PGAP4: variants seen among roughly 807,000 people sequenced by gnomAD.
PGAP4 encodes the protein GPI-N-acetylgalactosamine transferase PGAP4.
PGAP4 carries 12 observed loss-of-function variants against 28.2 expected under a neutral mutation model. That is an observed-to-expected ratio of 0.42 (90% CI 0.27 to 0.69). The LOEUF (loss-of-function observed/expected upper bound fraction) is 0.69, where lower values mean the gene tolerates loss of function less well. Ranked by LOEUF, PGAP4 falls within the 30% of genes least tolerant of loss-of-function variation. The pLI is 0.22. For synonymous variants in PGAP4, 205 were observed against 211.8 expected (o/e 0.97, Z 0.28); for missense variants, 425 against 513.5 (o/e 0.83, Z 1.67).
rs576433566 is a variant in PGAP4, at chr9:101,509,698, G to A, written c.-164-20498C>T. Reference sequence around the variant, plus strand: ...CTGCAAAATGATAAGTTCAGGTGATGTTTCTCAGCTTGCAAGCATTTCTCT... The same window carrying A: ...CTGCAAAATGATAAGTTCAGGTGATATTTCTCAGCTTGCAAGCATTTCTCT... On this transcript the variant is annotated intron_variant, in intron 2 of 3. Coordinates refer to the PGAP4 transcript ENST00000374851. Among the ~76,000 whole-genome samples the A allele has an allele frequency of 5.9e-5, 9 of 152,254 alleles. No homozygotes were observed. The East Asian group carries it at 1.4e-3, about 23-fold the overall frequency.
At position 101,477,223 on chromosome 9, in the gene PGAP4, C is replaced by CAAACAAAT. The variant is rs1028568405; in HGVS notation, c.-77-55_-77-54insATTTGTTT. On this transcript the variant is annotated intron_variant, in intron 1 of 1. Transcript: ENST00000374848. ...AGAGTAACTTAAAAAAACAAACAAA[C>CAAACAAAT]AAACAAACAAAAAAACAAAAGGACA... The CAAACAAAT allele has an allele frequency of 1.1e-5, 15 of 1,332,768 alleles. No individual in the cohort carries two copies. The Admixed American group carries it at 4.9e-4, about 44-fold the overall frequency. The allele number at this position is 1,332,768 out of a possible 1,614,324, so 82.6% of individuals were successfully genotyped here. A position where few individuals can be genotyped will look rare whatever the true frequency, so the allele number is the denominator to read the frequency against.
At chr9:101,496,372 C>T (rs1826748065) in intron 2 of PGAP4, among the ~76,000 whole-genome samples, 1 of 151,356 alleles carries the variant, frequency 6.6e-6, no homozygotes, top group East Asian at 1.9e-4. Context: ...AAAAGTTGAA[C>T]TTTTGAGATG....
At chr9:101,520,060 G>T (rs1402065120) in intron 2 of PGAP4, among the ~76,000 whole-genome samples, 4 of 152,118 alleles carry the variant, frequency 2.6e-5, no homozygotes, top group African/African-American at 9.7e-5. Context: ...TCTTTATTCT[G>T]TTCCACTGGT....
intron 2 of PGAP4, chr9:101,501,760 A>C: frequency 1.9e-6 from 1 of 518,886 alleles, no homozygotes; most frequent in Non-Finnish European, 3.8e-6. Flanking sequence ...TTCTGTCCCA[A>C]CTAACATCTG....
chr9:101,520,271 G>C (rs1361869495), intron 2 of PGAP4, among the ~76,000 whole-genome samples: 1 of 152,074 alleles, frequency 6.6e-6, no homozygotes, highest in Non-Finnish European at 1.5e-5. Context: ...ATTTTGATAA[G>C]GATTGCATTG....
chr9:101,504,638 T>C (rs186150084), intron 2 of PGAP4, among the ~76,000 whole-genome samples: 2 of 152,166 alleles, frequency 1.3e-5, no homozygotes, highest in East Asian at 1.9e-4. Flanking sequence ...TGTGCTGTCA[T>C]AGGGCATATG....
At chr9:101,525,744 A>G (rs1165914465) in intron 2 of PGAP4, among the ~76,000 whole-genome samples, 3 of 151,576 alleles carry the variant, frequency 2.0e-5, no homozygotes, top group Admixed American at 6.6e-5. Flanking sequence ...GAGAAAATAA[A>G]TGTTATGCAT....
upstream of PGAP4, among the ~76,000 whole-genome samples, chr9:101,487,858 A>G (rs1414006667): frequency 6.6e-6 from 1 of 152,232 alleles, no homozygotes; most frequent in Non-Finnish European, 1.5e-5. Context: ...TTACTGCAAC[A>G]TAGTCATCAT....
At chr9:101,521,679 T>G (rs1251459317) in intron 2 of PGAP4, among the ~76,000 whole-genome samples, 1 of 152,178 alleles carries the variant, frequency 6.6e-6, no homozygotes, top group Non-Finnish European at 1.5e-5. Flanking sequence ...TCATTTATCT[T>G]TTGTATTTTT....
chr9:101,499,471 T>C (rs930304165), intron 2 of PGAP4, among the ~76,000 whole-genome samples: 2 of 151,924 alleles, frequency 1.3e-5, no homozygotes, highest in African/African-American at 4.8e-5. Context: ...CATAGTAAAC[T>C]ATGTTTGTAC....
At position 101,486,323 on chromosome 9, in the gene PGAP4, G is replaced by A. The variant is rs117768450; in HGVS notation, c.-78+626C>T. ...GTAGGCCGAGCTGACCGTCTCCATC[G>A]CTGCGCTCCTTCCCTTCTGCTGGTT... is the stretch of plus-strand genomic sequence containing the variant. On this transcript the variant is annotated intron_variant, in intron 1 of 1. Coordinates refer to ENST00000374848, the MANE Select transcript of PGAP4 (RefSeq NM_032342.3). The surrounding 1 kb of genome is among the most constrained non-coding windows in gnomAD (Gnocchi z 4.7). Among the ~76,000 whole-genome samples, 160 of 152,276 alleles carry A rather than the reference G, an allele frequency of 1.1e-3. 1 individual carries two copies. The Middle Eastern group carries it at 0.02, about 19-fold the overall frequency.
intron 2 of PGAP4, among the ~76,000 whole-genome samples, chr9:101,515,336 C>T (rs1454850927): frequency 6.6e-6 from 1 of 152,070 alleles, no homozygotes; most frequent in Non-Finnish European, 1.5e-5. Flanking sequence ...CTTATGAAGA[C>T]CCTTGTGATT....
At chr9:101,492,403 AG>A (rs1697128439) in intron 2 of PGAP4, among the ~76,000 whole-genome samples, 1 of 152,170 alleles carries the variant, frequency 6.6e-6, no homozygotes, top group African/African-American at 2.4e-5. Context: ...TGTGTTAGCC[AG>A]GATGGTCTTG....
chr9:101,525,720 A>AAGAG (rs1209402827), intron 2 of PGAP4, among the ~76,000 whole-genome samples: 7 of 148,578 alleles, frequency 4.7e-5, no homozygotes, highest in Non-Finnish European at 8.9e-5. Context: ...AAAAAAAAAA[A>AAGAG]AGAGAGAGAG....
At chr9:101,487,544 T>C (rs946815693), upstream of PGAP4, among the ~76,000 whole-genome samples, 1 of 152,116 alleles carries the variant, frequency 6.6e-6, no homozygotes, top group Non-Finnish European at 1.5e-5. Flanking sequence ...AGGAAAAAGA[T>C]ACGGAATGAT....
intron 2 of PGAP4, among the ~76,000 whole-genome samples, chr9:101,497,012 C>G (rs1207971506): frequency 6.7e-6 from 1 of 150,302 alleles, no homozygotes; most frequent in East Asian, 2.0e-4. Context: ...CTGTTAGTAA[C>G]CTTAAATTTG....
chr9:101,477,234 A>AC (rs1554707395), intron 1 of PGAP4, 65 bp from the exon 2 acceptor site: 73 of 1,313,578 alleles, frequency 5.6e-5, no homozygotes, highest in African/African-American at 3.6e-4. Flanking sequence ...AAACAAACAA[A>AC]AAAACAAAAG....
chr9:101,481,297 A>C (rs1478862571), intron 1 of PGAP4: 1 of 152,224 alleles, frequency 6.6e-6, no homozygotes, highest in African/African-American at 2.4e-5. Context: ...TTTTACTCCC[A>C]GCCCAATCAT....
In PGAP4 at chr9:101,476,407, C is replaced by T. The variant is rs201690177; in HGVS notation, c.686G>A (p.Arg229Gln). Residue 229 changes from arginine (R) to glutamine (Q), a missense_variant, in exon 2 of 2, where the codon CGG becomes CAG. Physicochemically the swap from Arg to Gln is conservative, Grantham distance 43. Transcript: ENST00000374848. The surrounding 1 kb of genome is among the most constrained non-coding windows in gnomAD (Gnocchi z 7.0). ...QIFPVLEHLL[R>Q]ARFSEPHLRD... ...GAGATGTGGCTCAGAGAAGCGAGCC[C>T]GCAGAAGGTGCTCCAAGACTGGGAA... The T allele has an allele frequency of 1.1e-4, 185 of 1,613,970 alleles. No individual in the cohort carries two copies. The highest frequency in any genetic ancestry group is 1.6e-4 in the Middle Eastern group (1 of 6,084).
Sources: allele counts gnomAD v4.1 joint callset (sites outside exome capture counted in the v4.1 genomes callset), GRCh38; gene constraint gnomAD v4.1.1; non-coding constraint Gnocchi (gnomAD v3.1); transcripts MANE v1.5; gene names NCBI Gene and HGNC (gene_info 2026-07-23, HGNC 2026-07-21).